DLGAP2: variants seen among roughly 807,000 people sequenced by gnomAD.
The protein encoded by DLGAP2 is DLG associated protein 2.
In DLGAP2, 26 loss-of-function variants were observed where a neutral mutation model predicts 100.3. The observed-to-expected ratio is 0.26, with a 90% CI of 0.19 to 0.36. The LOEUF (loss-of-function observed/expected upper bound fraction) is 0.36. DLGAP2 is among the 10% of genes least tolerant of loss of function. The pLI is 1.00. For synonymous variants in DLGAP2, 886 were observed against 630.1 expected (o/e 1.41, Z -6.08); for missense variants, 1,858 against 1,453.2 (o/e 1.28, Z -4.53).
At chr8:871,861 A>G (rs1393986106) in intron 1 of DLGAP2, among the ~76,000 whole-genome samples, 1 of 152,152 alleles carries the variant, frequency 6.6e-6, no homozygotes, top group Non-Finnish European at 1.5e-5. Flanking sequence ...GTTGGCATGT[A>G]TATTAAGTAA....
chr8:1,344,198 G>GTGGGTCCGTGTATTCA (rs1563095215), intron 3 of DLGAP2, among the ~76,000 whole-genome samples: 1 of 119,600 alleles, frequency 8.4e-6, no homozygotes, highest in Non-Finnish European at 1.8e-5. Context: ...CCGTGTACTC[G>GTGGGTCCGTGTATTCA]GGGCCCTGTC....
rs1237977778 is a variant in DLGAP2 at position 827,739 on chromosome 8, C to T, written c.19-80173C>T. Among the ~76,000 whole-genome samples the T allele has an allele frequency of 2.6e-5, 4 of 152,158 alleles. No individual in the cohort carries two copies. In the East Asian group the frequency reaches 7.7e-4, roughly 29 times the overall value. On this transcript the variant is annotated intron_variant, in intron 1 of 14. Coordinates refer to ENST00000637795, the MANE Select transcript of DLGAP2 (RefSeq NM_001346810.2). ...TTTGCAAAAGAAAATTCTCTTTTGT[C>T]CAGGTAACTGAATAGATCTATGTTG...
At chr8:926,465 T>C (rs1463903634) in intron 2 of DLGAP2, among the ~76,000 whole-genome samples, 1 of 152,160 alleles carries the variant, frequency 6.6e-6, no homozygotes. Context: ...GATGGTAATT[T>C]CTGTCTCTGT....
chr8:1,225,852 C>T (rs1234811497), intron 2 of DLGAP2, among the ~76,000 whole-genome samples: 4 of 152,112 alleles, frequency 2.6e-5, no homozygotes, highest in Non-Finnish European at 4.4e-5. Flanking sequence ...TTTCAGTTCA[C>T]ACCACAAAAA....
At chr8:1,528,989 C>T (rs1054126277) in intron 4 of DLGAP2, among the ~76,000 whole-genome samples, 1 of 152,190 alleles carries the variant, frequency 6.6e-6, no homozygotes, top group Non-Finnish European at 1.5e-5. Flanking sequence ...GATATTTAAC[C>T]TTCCTCATGT....
chr8:1,416,274 G>A (rs922815512), intron 3 of DLGAP2, among the ~76,000 whole-genome samples: 1 of 152,206 alleles, frequency 6.6e-6, no homozygotes, highest in Non-Finnish European at 1.5e-5. Flanking sequence ...CCTGGCGGGG[G>A]ATTGTAGGTT....
intron 2 of DLGAP2, among the ~76,000 whole-genome samples, chr8:1,012,426 T>C (rs1016009941): frequency 2.0e-5 from 3 of 152,228 alleles, no homozygotes; most frequent in Non-Finnish European, 4.4e-5. Context: ...AGCGAGGATC[T>C]CCAGTAGTCT....
chr8:1,432,149 C>G (rs891757791), intron 3 of DLGAP2, among the ~76,000 whole-genome samples: 1 of 152,226 alleles, frequency 6.6e-6, no homozygotes, highest in Admixed American at 6.5e-5. Context: ...GCTAGTTCCA[C>G]TTCACATACT....
Position 1,549,431 on chromosome 8 carries a change from C to T in DLGAP2, c.978C>T (p.Cys326=), listed in dbSNP as rs769685524. The T allele has an allele frequency of 6.2e-7, 1 of 1,613,474 alleles. No individual in the cohort carries two copies. Among genetic ancestry groups the T allele is most frequent in the Non-Finnish European group, 8.5e-7 (1 of 1,179,790 alleles). ...NRHHLGPVAH[C]YPDALQSPFG... ...ACCACCTGGGCCCCGTGGCCCACTG[C>T]TACCCCGACGCGCTGCAGAGCCCCT... The change falls in exon 5 of 15, where the codon TGC becomes TGT. Residue 326 remains cysteine (C), a synonymous_variant. Coordinates refer to ENST00000637795, the MANE Select transcript of DLGAP2 (RefSeq NM_001346810.2).
chr8:1,198,465 A>T (rs993090254), intron 2 of DLGAP2, among the ~76,000 whole-genome samples: 20 of 151,848 alleles, frequency 1.3e-4, no homozygotes, highest in African/African-American at 3.4e-4. Context: ...CACCTCTATA[A>T]GTGCAGGTGG....
intron 2 of DLGAP2, among the ~76,000 whole-genome samples, chr8:1,092,063 G>A (rs1804202297): frequency 6.6e-6 from 1 of 152,176 alleles, no homozygotes; most frequent in African/African-American, 2.4e-5. Flanking sequence ...CAGCCGTGCA[G>A]CCTCTCCTGC....
At chr8:1,270,342 G>C (rs1410408654) in intron 3 of DLGAP2, among the ~76,000 whole-genome samples, 3 of 152,234 alleles carry the variant, frequency 2.0e-5, no homozygotes, top group Admixed American at 6.5e-5. Context: ...AGTAGAACCT[G>C]TGATGTGGGC....
intron 6 of DLGAP2, among the ~76,000 whole-genome samples, chr8:1,587,939 T>C (rs75179161): frequency 0.051 from 7,753 of 152,258 alleles, 651 homozygotes; most frequent in African/African-American, 0.17. Flanking sequence ...CTCTTCACTA[T>C]ACCAATGAGC....
chr8:831,503 A>G (rs1396746515), intron 1 of DLGAP2, among the ~76,000 whole-genome samples: 2 of 152,092 alleles, frequency 1.3e-5, no homozygotes, highest in South Asian at 2.1e-4. Context: ...GCTGAGAATG[A>G]TGGTTTCCAG....
chr8:792,211 A>T (rs1051133739), intron 1 of DLGAP2, among the ~76,000 whole-genome samples: 1 of 152,230 alleles, frequency 6.6e-6, no homozygotes, highest in Non-Finnish European at 1.5e-5. Context: ...TTATTATTTC[A>T]TAAATCACCT....
chr8:1,130,332 T>A (rs923994141), intron 2 of DLGAP2, among the ~76,000 whole-genome samples: 2 of 152,196 alleles, frequency 1.3e-5, no homozygotes, highest in Admixed American at 6.5e-5. Context: ...TATGGGTGTA[T>A]TTATTTTTTC....
At chr8:1,237,584 G>T (rs1213039801) in intron 2 of DLGAP2, among the ~76,000 whole-genome samples, 3 of 144,908 alleles carry the variant, frequency 2.1e-5, no homozygotes, top group African/African-American at 5.2e-5. Flanking sequence ...ATGGCACCGT[G>T]TCTAGTTCTC....
intron 3 of DLGAP2, among the ~76,000 whole-genome samples, chr8:1,377,342 A>T (rs1004875169): frequency 6.6e-6 from 1 of 152,260 alleles, no homozygotes. Flanking sequence ...CAGGAGATCG[A>T]GACCATCCTG....
chr8:999,798 T>C (rs1243963746), intron 2 of DLGAP2, among the ~76,000 whole-genome samples: 1 of 152,248 alleles, frequency 6.6e-6, no homozygotes, highest in Non-Finnish European at 1.5e-5. Context: ...GTTTTAATAC[T>C]CAGTTGAGTT....
Sources: allele counts gnomAD v4.1 joint callset (sites outside exome capture counted in the v4.1 genomes callset), GRCh38; gene constraint gnomAD v4.1.1; transcripts MANE v1.5; gene names NCBI Gene and HGNC (gene_info 2026-07-23, HGNC 2026-07-21).